Variants in PKD1L3 observed in about 807,000 individuals in gnomAD.
The protein encoded by PKD1L3 is polycystin-1-like protein 3.
PKD1L3 carries 239 observed loss-of-function variants against 184.1 expected under a neutral mutation model. The observed-to-expected ratio is 1.30, with a 90% CI of 1.17 to 1.45. PKD1L3 has a LOEUF of 1.45. PKD1L3 is among the 40% of genes most tolerant of loss of function. The probability of loss-of-function intolerance (pLI) is 0.00; values close to 1 mark genes in which losing one functional copy is unlikely to be tolerated. For synonymous variants in PKD1L3, 996 were observed against 778.8 expected (o/e 1.28, Z -4.64); for missense variants, 2,660 against 2,067.2 (o/e 1.29, Z -5.56).
In PKD1L3 at chr16:71,954,295, C is replaced by T. The variant is rs1212097519; in HGVS notation, c.2619G>A (p.Leu873=). Residue 873 remains leucine, a synonymous_variant, in exon 17 of 30, where the codon CTG becomes CTA. Transcript: ENST00000620267. ...ACTTTTCCACAATCATGGAGGAAAA[C>T]AGATGTCTGAAAAGAGAAATCAGAA... ...SKRELFSFRH[L]FSSMIVEKFT... The T allele has an allele frequency of 1.3e-6, 2 of 1,533,028 alleles. No individual in the cohort carries two copies. The highest frequency in any genetic ancestry group is 2.5e-5 in the East Asian group (1 of 40,500). 95.0% of individuals were successfully genotyped at this position (1,533,028 alleles called of 1,614,324 possible).
chr16:71,937,465 G>A, intron 24 of PKD1L3, 46 bp from the exon 25 acceptor site: 1 of 1,532,994 alleles, frequency 6.5e-7, no homozygotes, highest in Non-Finnish European at 8.8e-7. Flanking sequence ...TAAAACTTTT[G>A]CCCTCTTCTT....
intron 11 of PKD1L3, among the ~76,000 whole-genome samples, chr16:71,975,926 C>A (rs1190214716): frequency 1.3e-5 from 2 of 150,364 alleles, no homozygotes; most frequent in Non-Finnish European, 2.9e-5. Context: ...TTCAGAGAAA[C>A]TGGATGAGAG....
intron 15 of PKD1L3, among the ~76,000 whole-genome samples, chr16:71,965,875 A>G (rs975411944): frequency 6.6e-6 from 1 of 152,046 alleles, no homozygotes. Context: ...TTTTTAATTT[A>G]AGCCATTCTG....
At chr16:71,983,343 C>CA (rs1418010164) in intron 6 of PKD1L3, among the ~76,000 whole-genome samples, 3 of 152,094 alleles carry the variant, frequency 2.0e-5, no homozygotes, top group African/African-American at 4.8e-5. Context: ...GACAGGGTTT[C>CA]ACCATGTTGC....
At chr16:71,964,300 C>T (rs1213200031) in intron 15 of PKD1L3, among the ~76,000 whole-genome samples, 6 of 123,826 alleles carry the variant, frequency 4.8e-5, no homozygotes, top group Non-Finnish European at 9.8e-5. Flanking sequence ...AAATTTCTCT[C>T]GTCAAAATCT....
chr16:71,979,877 G>A lies in PKD1L3; in HGVS notation c.1307C>T (p.Thr436Ile). The change falls in exon 9 of 30, where the codon ACT becomes ATT. Residue 436 changes from threonine (T) to isoleucine (I), a missense_variant. Thr to Ile is a moderately conservative substitution (Grantham distance 89). Coordinates refer to ENST00000620267, the MANE Select transcript of PKD1L3 (RefSeq NM_181536.2). Reference protein sequence around the residue: ...NISTLPLSSYTLGHPAPVRLG... With the variant: ...NISTLPLSSYILGHPAPVRLG... ...CCTCACAGGGGCTGGGTGACCCAGA[G>A]TGTAAGAGCTCAGCGGTAAAGTTGA... is the stretch of plus-strand genomic sequence containing the variant. 1.3e-6 allele frequency: 2 copies of A among 1,546,954 alleles called. No homozygotes were observed. Among genetic ancestry groups the A allele is most frequent in the Non-Finnish European group, 8.7e-7 (1 of 1,146,042 alleles).
chr16:71,934,882 T>C (rs1294854158), intron 26 of PKD1L3, among the ~76,000 whole-genome samples: 1 of 152,190 alleles, frequency 6.6e-6, no homozygotes, highest in Admixed American at 6.5e-5. Flanking sequence ...GAAACATAGA[T>C]GTTCCTCTCC....
At chr16:71,986,184 C>A in intron 5 of PKD1L3, 37 bp downstream of exon 5, 1 of 1,546,848 alleles carries the variant, frequency 6.5e-7, no homozygotes, top group South Asian at 1.2e-5. Flanking sequence ...TTTTGGGGGT[C>A]ACAAAGCTAC....
intron 25 of PKD1L3, 111 bp downstream of exon 25, chr16:71,937,181 G>C (rs931804190): frequency 7.2e-6 from 8 of 1,108,196 alleles, no homozygotes; most frequent in East Asian, 2.7e-5. Context: ...TCAGCCTCCC[G>C]AGTAGCTGGG....
rs981087183 is a variant in PKD1L3, at chr16:72,000,051, G to A, written c.-73C>T. The stretch of plus-strand genomic sequence containing the variant: ...TGGTCCTTTAAATATATATATTGGC[G>A]GGCTTGTCTTATTAGTATTATTCTT... On this transcript the variant is annotated 5_prime_UTR_variant, in exon 1 of 30. Coordinates refer to ENST00000620267, the MANE Select transcript of PKD1L3 (RefSeq NM_181536.2). 64 of 1,224,592 alleles carry A rather than the reference G, an allele frequency of 5.2e-5. 1 individual carries two copies. The highest frequency in any genetic ancestry group is 1.1e-4 in the African/African-American group (7 of 64,740). 75.9% of individuals were successfully genotyped at this position (1,224,592 alleles called of 1,614,324 possible). A position where few individuals can be genotyped will look rare whatever the true frequency, so the allele number is the denominator to read the frequency against.
intron 5 of PKD1L3, among the ~76,000 whole-genome samples, chr16:71,984,512 G>C (rs1258430818): frequency 6.6e-6 from 1 of 152,196 alleles, no homozygotes; most frequent in African/African-American, 2.4e-5. Flanking sequence ...TTTCTATTCA[G>C]AAGTATGTTT....
chr16:71,929,696 A>G lies in PKD1L3; in HGVS notation c.5059-18T>C, dbSNP rs2037852711. On this transcript the variant is annotated intron_variant, in intron 29 of 29. Coordinates refer to ENST00000620267, the MANE Select transcript of PKD1L3 (RefSeq NM_181536.2). ...GCTTCTTTCTGAGTATTGAAGACAA[A>G]AAGAGAAAAGTGAGAAAATTGAAAT... 4 of 1,514,458 alleles carry G rather than the reference A, an allele frequency of 2.6e-6. No individual in the cohort carries two copies. The highest frequency in any genetic ancestry group is 1.7e-4 in the Middle Eastern group (1 of 5,834). The allele number at this position is 1,514,458 out of a possible 1,614,324, so 93.8% of individuals were successfully genotyped here.
intron 27 of PKD1L3, 133 bp downstream of exon 27, chr16:71,933,782 T>C (rs1256280404): frequency 2.0e-5 from 19 of 970,800 alleles, no homozygotes; most frequent in Non-Finnish European, 2.8e-5. Flanking sequence ...CAGTTAAGTG[T>C]GGAACTAGAT....
intron 11 of PKD1L3, among the ~76,000 whole-genome samples, chr16:71,976,735 A>T (rs952413643): frequency 1.3e-5 from 2 of 152,180 alleles, no homozygotes; most frequent in Non-Finnish European, 2.9e-5. Flanking sequence ...CCTGGGCAAC[A>T]TGGCAAGACC....
Position 71,986,434 on chromosome 16 carries a change from A to C in PKD1L3, c.621T>G (p.Pro207=). The C allele has an allele frequency of 6.4e-7, 1 of 1,551,964 alleles. No individual in the cohort carries two copies. The highest frequency in any genetic ancestry group is 8.7e-7 in the Non-Finnish European group (1 of 1,146,852). ...GTGATGTGATACTTGATAGTACTGA[A>C]GGAAACTGGCTGATGGGATGACACA... ...KTLCHPISQF[P]SVLSSITSQV... is the part of the protein sequence containing the mutation. Residue 207 remains proline, a synonymous_variant, in exon 5 of 30, where the codon CCT becomes CCG. Transcript: ENST00000620267.
intron 2 of PKD1L3, 92 bp from the exon 3 acceptor site, chr16:71,993,424 CAG>C: frequency 2.3e-6 from 1 of 429,602 alleles, no homozygotes; most frequent in Non-Finnish European, 3.6e-6. Flanking sequence ...ATGTGATAAT[CAG>C]GAAAACACAA....
rs1413142227 is a variant in PKD1L3 at position 71,999,996 on chromosome 16, A to G, written c.-18T>C. ...AAGAACATTTTCTCTGAATTGTAGC[A>G]AGAAAAAGTGTGGGGGTTTAGCAGC... On this transcript the variant is annotated 5_prime_UTR_variant, in exon 1 of 30. Coordinates refer to ENST00000620267, the MANE Select transcript of PKD1L3 (RefSeq NM_181536.2). 6.7e-7 allele frequency: 1 copy of G among 1,494,720 alleles called. No individual in the cohort carries two copies. The highest frequency in any genetic ancestry group is 9.0e-7 in the Non-Finnish European group (1 of 1,114,978). The allele number at this position is 1,494,720 out of a possible 1,614,324, so 92.6% of individuals were successfully genotyped here.
rs187663224 is a variant in PKD1L3, at chr16:71,959,307, G to C, written c.2612+3898C>G. ...TGTCTGTAATCCCAGCTGCTCAGGAGGCTGAGGCAGGAGAATCACTTGAAC... is the reference window on the plus strand; with the variant it reads ...TGTCTGTAATCCCAGCTGCTCAGGACGCTGAGGCAGGAGAATCACTTGAAC... On this transcript the variant is annotated intron_variant, in intron 16 of 29. Coordinates refer to ENST00000620267, the MANE Select transcript of PKD1L3 (RefSeq NM_181536.2). Among the ~76,000 whole-genome samples, 858 of 152,128 alleles carry C rather than the reference G, an allele frequency of 5.6e-3. 3 individuals are homozygous for C. The highest frequency in any genetic ancestry group is 0.031 in the Middle Eastern group (9 of 292).
At chr16:71,990,356 T>C (rs2040540918) in intron 3 of PKD1L3, 27 bp from the exon 4 acceptor site, 24 of 1,519,298 alleles carry the variant, frequency 1.6e-5, no homozygotes, top group Non-Finnish European at 2.1e-5. Flanking sequence ...GCAGACTAAG[T>C]TCAAGTAAAA....
Sources: allele counts gnomAD v4.1 joint callset (sites outside exome capture counted in the v4.1 genomes callset), GRCh38; gene constraint gnomAD v4.1.1; transcripts MANE v1.5; gene names NCBI Gene and HGNC (gene_info 2026-07-23, HGNC 2026-07-21).